WWP2: variants seen among roughly 807,000 people sequenced by gnomAD.
WWP2 encodes the protein NEDD4-like E3 ubiquitin-protein ligase WWP2.
In WWP2, 57 loss-of-function variants were observed where a neutral mutation model predicts 121.0. That is an observed-to-expected ratio of 0.47 (90% CI 0.38 to 0.59). The LOEUF is 0.59. Ranked by LOEUF, WWP2 falls within the 20% of genes least tolerant of loss-of-function variation. The pLI, the probability that WWP2 is intolerant of heterozygous loss-of-function variation, is 0.00. For missense variants in WWP2, 962 were observed against 1,158.9 expected (o/e 0.83, Z 2.47); for synonymous variants, 449 against 441.3 (o/e 1.02, Z -0.22).
intron 2 of WWP2, among the ~76,000 whole-genome samples, chr16:69,792,475 A>C (rs1394103355): frequency 6.6e-6 from 1 of 152,236 alleles, no homozygotes; most frequent in Non-Finnish European, 1.5e-5. Context: ...ATTTCATGAA[A>C]GAGACTTTCT....
intron 10 of WWP2, among the ~76,000 whole-genome samples, chr16:69,919,223 T>C (rs1386541007): frequency 6.6e-6 from 1 of 152,284 alleles, no homozygotes. Flanking sequence ...TGGAGTGCAA[T>C]GGCATGATCT....
At chr16:69,924,812 G>A (rs867305934) in intron 10 of WWP2, among the ~76,000 whole-genome samples, 8 of 151,830 alleles carry the variant, frequency 5.3e-5, no homozygotes, top group Middle Eastern at 3.4e-3. Flanking sequence ...CATTCCTGGG[G>A]GAGGTGAGGG....
chr16:69,866,099 T>A (rs1364591182), intron 6 of WWP2, among the ~76,000 whole-genome samples: 1 of 152,156 alleles, frequency 6.6e-6, no homozygotes, highest in Non-Finnish European at 1.5e-5. Flanking sequence ...TTCTCTGGCG[T>A]CTTCTTGGCC....
intron 1 of WWP2, among the ~76,000 whole-genome samples, chr16:69,772,481 A>C (rs1308740912): frequency 6.6e-6 from 1 of 152,194 alleles, no homozygotes; most frequent in African/African-American, 2.4e-5. Context: ...TGGTAGTAGA[A>C]GAAAACAGCT....
Position 69,940,154 on chromosome 16 carries a change from G to C in WWP2, c.*214G>C. On this transcript the variant is annotated 3_prime_UTR_variant, in exon 24 of 24. Coordinates refer to ENST00000359154, the MANE Select transcript of WWP2 (RefSeq NM_001270454.2). Reference sequence around the variant, plus strand: ...TGGCAGTCTGGAATAAAGCCCCCTAGTTGCCTTTGGCCCCACCTTTGCAAA... The same window carrying C: ...TGGCAGTCTGGAATAAAGCCCCCTACTTGCCTTTGGCCCCACCTTTGCAAA... The C allele has an allele frequency of 1.7e-6, 1 of 579,272 alleles. No individual in the cohort carries two copies. The highest frequency in any genetic ancestry group is 2.2e-5 in the South Asian group (1 of 46,112). The allele number at this position is 579,272 out of a possible 1,614,324, so 35.9% of individuals were successfully genotyped here.
intron 1 of WWP2, among the ~76,000 whole-genome samples, chr16:69,770,971 A>T (rs1028331963): frequency 7.9e-6 from 1 of 126,088 alleles, no homozygotes; most frequent in African/African-American, 3.1e-5. Context: ...TGTCTCTATT[A>T]AAAAAAAAAA....
In WWP2 at chr16:69,799,184, GCA is replaced by G; in HGVS notation, c.232_233del (p.Gln78GlufsTer16). On this transcript the variant is annotated frameshift_variant, in exon 4 of 24. Coordinates refer to ENST00000359154, the MANE Select transcript of WWP2 (RefSeq NM_001270454.2). LOFTEE classifies it high-confidence loss of function. This position sits in a 1 kb window ranked among gnomAD's most constrained non-coding sequence, Gnocchi z 4.5. ...WNEIIILNVT[A>X]QSHLDLKVWS... is the part of the protein sequence containing the mutation. ...GTATTTGTTTTTCAGGAATGTCACG[GCA>G]CAGAGTCATTTAGATTTAAAGGTCT... 6.2e-7 allele frequency: 1 copy of G among 1,613,072 alleles called. No homozygotes were observed. Among genetic ancestry groups the G allele is most frequent in the Non-Finnish European group, 8.5e-7 (1 of 1,179,636 alleles).
chr16:69,878,791 C>G (rs1213940855), intron 7 of WWP2, among the ~76,000 whole-genome samples: 1 of 152,164 alleles, frequency 6.6e-6, no homozygotes, highest in East Asian at 1.9e-4. Flanking sequence ...TTCCCTGTTA[C>G]AAAATTCTGC....
intron 2 of WWP2, among the ~76,000 whole-genome samples, chr16:69,789,678 C>T (rs2055867788): frequency 6.6e-6 from 1 of 152,120 alleles, no homozygotes; most frequent in Non-Finnish European, 1.5e-5. Flanking sequence ...GAAGGAATAC[C>T]CTTCTAGCAA....
chr16:69,885,388 AT>A (rs1426930164), intron 7 of WWP2, among the ~76,000 whole-genome samples: 5 of 152,204 alleles, frequency 3.3e-5, no homozygotes, highest in Non-Finnish European at 7.3e-5. Flanking sequence ...AGATTTAGTC[AT>A]TTATTAAACA....
At chr16:69,852,633 G>T (rs1181573421) in intron 6 of WWP2, among the ~76,000 whole-genome samples, 2 of 151,820 alleles carry the variant, frequency 1.3e-5, no homozygotes, top group African/African-American at 4.8e-5. Flanking sequence ...CTTTGGCAGG[G>T]TGTCTGTTCA....
At chr16:69,834,689 G>A (rs1416468889) in intron 4 of WWP2, among the ~76,000 whole-genome samples, 1 of 151,188 alleles carries the variant, frequency 6.6e-6, no homozygotes, top group Non-Finnish European at 1.5e-5. Flanking sequence ...ACCACACCCA[G>A]CTCATGTTTT....
chr16:69,842,935 T>C (rs2057006005), intron 6 of WWP2, among the ~76,000 whole-genome samples: 2 of 152,136 alleles, frequency 1.3e-5, no homozygotes, highest in Non-Finnish European at 2.9e-5. Flanking sequence ...TCCCAAACTG[T>C]TGGGATTACA....
chr16:69,798,438 A>G (rs867945541), intron 2 of WWP2, among the ~76,000 whole-genome samples: 6 of 151,978 alleles, frequency 3.9e-5, no homozygotes, highest in Non-Finnish European at 5.9e-5. Context: ...TAAATTGGTG[A>G]TGATGATCAC....
Position 69,935,459 on chromosome 16 carries a change from C to T in WWP2, c.1843-394C>T, listed in dbSNP as rs926727081. On this transcript the variant is annotated intron_variant, in intron 17 of 23. Transcript: ENST00000359154. This position sits in a 1 kb window ranked among gnomAD's most constrained non-coding sequence, Gnocchi z 5.2. ...CATTATTTTTGGCTGCCTTTGCCAC[C>T]CACCCTGAGCGCCAGTGAATCAGGG... Among the ~76,000 whole-genome samples, 1 of 152,228 alleles carries T rather than the reference C, an allele frequency of 6.6e-6. No individual in the cohort carries two copies. Among genetic ancestry groups the T allele is most frequent in the Non-Finnish European group, 1.5e-5 (1 of 68,046 alleles).
rs1163571009 is a variant in WWP2 at position 69,799,249 on chromosome 16, C to T, written c.294C>T (p.Thr98=). ...CHTLRNELLG[T]ASVNLSNVLK... ...CCTTGAGAAATGAACTGCTAGGCACCGCATCTGTCAACCTCTCCAACGTCT... is the reference window on the plus strand; with the variant it reads ...CCTTGAGAAATGAACTGCTAGGCACTGCATCTGTCAACCTCTCCAACGTCT... Residue 98 remains threonine, a synonymous_variant, in exon 4 of 24, where the codon ACC becomes ACT. Transcript: ENST00000359154. The surrounding 1 kb of genome is among the most constrained non-coding windows in gnomAD (Gnocchi z 4.5). 1.3e-5 allele frequency: 21 copies of T among 1,613,960 alleles called. No individual in the cohort carries two copies. Among genetic ancestry groups the T allele is most frequent in the African/African-American group, 1.3e-5 (1 of 74,896 alleles).
chr16:69,784,355 C>T (rs985479261), intron 1 of WWP2, among the ~76,000 whole-genome samples: 4 of 152,166 alleles, frequency 2.6e-5, no homozygotes, highest in Non-Finnish European at 5.9e-5. Flanking sequence ...CCGCCTTGGC[C>T]TCCCAGAGCG....
chr16:69,894,070 G>C (rs2058070478), intron 8 of WWP2, among the ~76,000 whole-genome samples: 1 of 151,542 alleles, frequency 6.6e-6, no homozygotes, highest in African/African-American at 2.4e-5. Context: ...TTTTCAGGTT[G>C]CTGCATTTTT....
Position 69,925,444 on chromosome 16 carries a change from G to C in WWP2, c.1194G>C (p.Ser398=). ...CTTGTGTTTAGTCTTCGAGTGCTTC[G>C]ACTGACCATGATCCCCTGGGCCCCC... ...QRFLYQSSSA[S]TDHDPLGPLP... Residue 398 remains serine (S), a synonymous_variant, in exon 11 of 24, where the codon TCG becomes TCC. Transcript: ENST00000359154. This position sits in a 1 kb window ranked among gnomAD's most constrained non-coding sequence, Gnocchi z 4.0. 1.9e-6 allele frequency: 3 copies of C among 1,613,904 alleles called. No homozygotes were observed. Among genetic ancestry groups the C allele is most frequent in the Non-Finnish European group, 1.7e-6 (2 of 1,179,934 alleles).
Sources: allele counts gnomAD v4.1 joint callset (sites outside exome capture counted in the v4.1 genomes callset), GRCh38; gene constraint gnomAD v4.1.1; non-coding constraint Gnocchi (gnomAD v3.1); transcripts MANE v1.5; gene names NCBI Gene and HGNC (gene_info 2026-07-23, HGNC 2026-07-21).